DMD: variants seen among roughly 807,000 people sequenced by gnomAD.
DMD encodes mutant dystrophin.
In DMD, 63 loss-of-function variants were observed where a neutral mutation model predicts 330.1. The ratio of observed to expected loss-of-function variants is 0.19; its 90% confidence interval spans 0.16 to 0.24. The LOEUF is 0.24. DMD is among the 10% of genes least tolerant of loss of function. DMD has a pLI of 1.00. For synonymous variants in DMD, 1,223 were observed against 959.8 expected, an observed-to-expected ratio of 1.27 and a Z score of -5.07; for missense variants, 3,344 against 2,684.1, an observed-to-expected ratio of 1.25 and a Z score of -5.43.
chrX:32,728,398 G>C (rs990672033), intron 7 of DMD, among the ~76,000 whole-genome samples: 6 of 111,674 alleles, frequency 5.4e-5, no homozygotes, highest in African/African-American at 1.9e-4. Flanking sequence ...ATATTCAAAT[G>C]TCTTTTCATA....
intron 1 of DMD, among the ~76,000 whole-genome samples, chrX:33,089,306 C>T (rs753103582): frequency 9.9e-5 from 11 of 110,668 alleles, no homozygotes; most frequent in Non-Finnish European, 2.1e-4. Context: ...CCTCATGATC[C>T]ACCAGCCTCG....
At chrX:31,721,726 A>ATC (rs1265224348) in intron 52 of DMD, among the ~76,000 whole-genome samples, 3,496 of 75,043 alleles carry the variant, frequency 0.047, 100 homozygotes, top group South Asian at 0.065. Flanking sequence ...CTCTATATAT[A>ATC]TATATATATA....
intron 44 of DMD, chrX:32,155,531 C>A: frequency 8.8e-6 from 5 of 567,151 alleles, no homozygotes; most frequent in Non-Finnish European, 1.1e-5. Context: ...GTAGCAAAGG[C>A]TCTAAAGAAA....
chrX:33,309,196 C>T (rs73623943), intron 1 of DMD, among the ~76,000 whole-genome samples: 29,470 of 110,647 alleles, frequency 0.27, 2,949 homozygotes, highest in African/African-American at 0.32. Flanking sequence ...GCATAATTCA[C>T]GGTGTTAAAT....
At chrX:32,945,914 A>G (rs758850235) in intron 2 of DMD, among the ~76,000 whole-genome samples, 2 of 111,442 alleles carry the variant, frequency 1.8e-5, no homozygotes, top group South Asian at 7.4e-4. Context: ...GCTATGTTTT[A>G]TAAGATTTGA....
chrX:31,858,420 C>G (rs997229648), intron 48 of DMD, among the ~76,000 whole-genome samples: 1 of 110,671 alleles, frequency 9.0e-6, no homozygotes, highest in Non-Finnish European at 1.9e-5. Flanking sequence ...TAGAGACATG[C>G]ATCTTTAAAT....
intron 9 of DMD, among the ~76,000 whole-genome samples, chrX:32,655,619 A>G (rs967603165): frequency 1.8e-5 from 2 of 111,838 alleles, no homozygotes; most frequent in African/African-American, 6.5e-5. Flanking sequence ...TAATCTGTTG[A>G]TTAGGGGTGG....
intron 7 of DMD, among the ~76,000 whole-genome samples, chrX:32,706,629 T>G (rs1424033611): frequency 9.0e-6 from 1 of 111,444 alleles, no homozygotes; most frequent in Non-Finnish European, 1.9e-5. Flanking sequence ...AATGCTTGCC[T>G]AGAGCATAAC....
intron 48 of DMD, among the ~76,000 whole-genome samples, chrX:31,872,422 A>G (rs1216206810): frequency 1.8e-5 from 2 of 111,613 alleles, no homozygotes; most frequent in African/African-American, 3.3e-5. Context: ...CGAAGACACA[A>G]TGCAGGTTTT....
intron 2 of DMD, among the ~76,000 whole-genome samples, chrX:32,863,575 A>ACAC (rs746034767): frequency 3.4e-4 from 24 of 69,989 alleles, no homozygotes; most frequent in African/African-American, 1.5e-3. Flanking sequence ...CACACACACA[A>ACAC]ATACACACAT....
At chrX:31,910,552 T>C (rs1159105428) in intron 47 of DMD, among the ~76,000 whole-genome samples, 1 of 111,480 alleles carries the variant, frequency 9.0e-6, no homozygotes, top group Non-Finnish European at 1.9e-5. Flanking sequence ...TAAAAAGAAA[T>C]AAAATATTGG....
At chrX:32,310,408 C>T in intron 41 of DMD, 132 bp from the exon 42 acceptor site, 2 of 522,034 alleles carry the variant, frequency 3.8e-6, no homozygotes, top group South Asian at 5.9e-5. Context: ...GGATTCAAAA[C>T]CTCACGATGG....
chrX:31,646,305 G>T (rs2080099545), intron 54 of DMD, among the ~76,000 whole-genome samples: 1 of 110,123 alleles, frequency 9.1e-6, no homozygotes, highest in Admixed American at 9.7e-5. Context: ...GAAACAGAAG[G>T]AGATTATTGT....
At chrX:31,170,581 GA>G (rs1262549026) in intron 73 of DMD, among the ~76,000 whole-genome samples, 1 of 111,723 alleles carries the variant, frequency 9.0e-6, no homozygotes, top group Non-Finnish European at 1.9e-5. Flanking sequence ...CACTTAAGTT[GA>G]AAAATATCAG....
Position 32,437,375 on chromosome X carries a change from T to A in DMD, c.4071+866A>T, listed in dbSNP as rs142450438. Among the ~76,000 whole-genome samples, 38 of 112,291 alleles carry A rather than the reference T, an allele frequency of 3.4e-4. No homozygotes were observed. The East Asian group carries it at 0.01, about 31-fold the overall frequency. On this transcript the variant is annotated intron_variant, in intron 29 of 78. Coordinates refer to ENST00000357033, the MANE Select transcript of DMD (RefSeq NM_004006.3). The stretch of plus-strand genomic sequence containing the variant: ...GTTTTCCTACTCAAGGCGTTCCTTT[T>A]CAATCTGTAAGCATGTCAAAAGGTC...
At chrX:32,606,758 TATATATACACAC>T (rs774747935) in intron 12 of DMD, among the ~76,000 whole-genome samples, 26 of 106,113 alleles carry the variant, frequency 2.5e-4, no homozygotes, top group African/African-American at 5.8e-4. Context: ...CACACATACA[TATATATACACAC>T]ATATATACAC....
At chrX:33,060,517 T>C (rs762519573) in intron 1 of DMD, among the ~76,000 whole-genome samples, 1 of 111,576 alleles carries the variant, frequency 9.0e-6, no homozygotes, top group East Asian at 2.8e-4. Context: ...CAGTAATTCA[T>C]TTATGAAAAT....
At chrX:32,119,195 T>C (rs1016381370) in intron 44 of DMD, among the ~76,000 whole-genome samples, 1 of 110,150 alleles carries the variant, frequency 9.1e-6, no homozygotes, top group African/African-American at 3.3e-5. Flanking sequence ...CAGGGCCTGG[T>C]GGCGCCAGAG....
intron 36 of DMD, 65 bp downstream of exon 36, chrX:32,364,517 G>A: frequency 2.6e-6 from 3 of 1,139,019 alleles, no homozygotes; most frequent in Non-Finnish European, 3.6e-6. Context: ...GTATCTTTTA[G>A]GACAAAGATG....
Sources: gnomAD v4.1 joint callset for allele counts (sites outside exome capture counted in the v4.1 genomes callset) on GRCh38, gnomAD v4.1.1 for gene constraint, MANE v1.5 for transcripts, NCBI Gene and HGNC (gene_info 2026-07-23, HGNC 2026-07-21) for gene names.